ROBO1: variants seen among roughly 807,000 people sequenced by gnomAD.
ROBO1 encodes the protein roundabout homolog 1.
ROBO1 carries 149 observed loss-of-function variants against 195.9 expected under a neutral mutation model. That is an observed-to-expected ratio of 0.76 (90% confidence interval 0.67 to 0.87). ROBO1 has a LOEUF of 0.87. Ranked by LOEUF, ROBO1 falls within the 40% of genes least tolerant of loss-of-function variation. The pLI, the probability that ROBO1 is intolerant of heterozygous loss-of-function variation, is 0.00. For synonymous variants in ROBO1, 816 were observed against 733.2 expected (o/e 1.11, Z -1.82); for missense variants, 1,933 against 2,068.3 (o/e 0.93, Z 1.27).
At position 79,445,730 on chromosome 3, in the gene ROBO1, C is replaced by G. The variant is rs2039228649; in HGVS notation, c.88+144094G>C. 2.0e-5 allele frequency among the ~76,000 whole-genome samples: 3 copies of G among 148,988 alleles called. No individual in the cohort carries two copies. The South Asian group carries it at 6.4e-4, about 32-fold the overall frequency. On this transcript the variant is annotated intron_variant, in intron 2 of 30. Transcript: ENST00000464233. ...AGGCTGGAGTGCAGTGGCGCGATATCGGCTCACTGCAAGCTCCGCCTCCCG... is the reference window on the plus strand; with the variant it reads ...AGGCTGGAGTGCAGTGGCGCGATATGGGCTCACTGCAAGCTCCGCCTCCCG...
chr3:78,647,681 C>T (rs1482223327), intron 19 of ROBO1, 26 bp from the exon 20 acceptor site: 1 of 1,597,946 alleles, frequency 6.3e-7, no homozygotes, highest in African/African-American at 1.3e-5. Context: ...AAAATATAAA[C>T]CAGTTATTAA....
chr3:79,621,864 A>G (rs1421944588), intron 1 of ROBO1, among the ~76,000 whole-genome samples: 1 of 152,236 alleles, frequency 6.6e-6, no homozygotes, highest in Non-Finnish European at 1.5e-5. Flanking sequence ...TGAGACTACA[A>G]GGCAACTACG....
At chr3:79,182,542 GGTGTGT>G (rs71127377) in intron 2 of ROBO1, among the ~76,000 whole-genome samples, 120 of 148,546 alleles carry the variant, frequency 8.1e-4, no homozygotes, top group African/African-American at 5.2e-4. Flanking sequence ...CTGGGGCACA[GGTGTGT>G]GTGTGTGTGT....
intron 2 of ROBO1, among the ~76,000 whole-genome samples, chr3:79,444,786 A>C (rs560989514): frequency 4.6e-5 from 7 of 152,180 alleles, no homozygotes; most frequent in Non-Finnish European, 8.8e-5. Context: ...CAAAATTTAA[A>C]TAATGCTATA....
At chr3:79,083,039 A>C (rs756959574) in intron 3 of ROBO1, among the ~76,000 whole-genome samples, 1 of 152,096 alleles carries the variant, frequency 6.6e-6, no homozygotes, top group Non-Finnish European at 1.5e-5. Context: ...AGAAATATTT[A>C]TTTGTAAATT....
chr3:79,572,371 T>G, intron 2 of ROBO1, among the ~76,000 whole-genome samples: 1 of 152,072 alleles, frequency 6.6e-6, no homozygotes, highest in East Asian at 1.9e-4. Context: ...TTATAAATAA[T>G]AAACTGAATA....
At chr3:78,990,252 A>C (rs2077205751) in intron 3 of ROBO1, among the ~76,000 whole-genome samples, 1 of 152,312 alleles carries the variant, frequency 6.6e-6, no homozygotes. Context: ...TGAATGTGTA[A>C]GAATAAATGA....
chr3:78,901,453 T>C (rs1454687708), intron 4 of ROBO1, among the ~76,000 whole-genome samples: 3 of 152,302 alleles, frequency 2.0e-5, no homozygotes, highest in South Asian at 4.1e-4. Flanking sequence ...CTTTAAAATA[T>C]AGTAAATATA....
chr3:79,703,957 A>G (rs1176412003), intron 1 of ROBO1, among the ~76,000 whole-genome samples: 1 of 151,966 alleles, frequency 6.6e-6, no homozygotes, highest in Non-Finnish European at 1.5e-5. Flanking sequence ...TGTTGGACAG[A>G]TTTATTGTTT....
intron 3 of ROBO1, among the ~76,000 whole-genome samples, chr3:79,054,125 T>C (rs570670181): frequency 1.3e-5 from 2 of 152,080 alleles, no homozygotes; most frequent in African/African-American, 4.8e-5. Flanking sequence ...CTCAGCTAAA[T>C]CGGACTAATG....
intron 10 of ROBO1, among the ~76,000 whole-genome samples, chr3:78,680,896 C>A (rs909190195): frequency 2.0e-5 from 3 of 149,708 alleles, no homozygotes; most frequent in African/African-American, 7.4e-5. Flanking sequence ...GTGTTTATTG[C>A]AGCACTATTC....
rs149942551 is a variant in ROBO1 at position 78,828,034 on chromosome 3, A to G, written c.500-81134T>C. ...AGAAAAAATAAAAACAGATACTATT[A>G]ACATTTTAATGTATACCACCCAAAT... On this transcript the variant is annotated intron_variant, in intron 4 of 30. Transcript: ENST00000464233. Among the ~76,000 whole-genome samples, 39 of 152,354 alleles carry G rather than the reference A, an allele frequency of 2.6e-4. No homozygotes were observed. In the East Asian group the frequency reaches 5.6e-3, roughly 22 times the overall value.
At chr3:79,101,502 C>G (rs2079675526) in intron 3 of ROBO1, among the ~76,000 whole-genome samples, 1 of 151,818 alleles carries the variant, frequency 6.6e-6, no homozygotes, top group South Asian at 2.1e-4. Context: ...GCGGTTGCCT[C>G]TCCGCCCAGA....
intron 3 of ROBO1, among the ~76,000 whole-genome samples, chr3:79,046,676 C>A (rs1038993867): frequency 2.6e-5 from 4 of 151,966 alleles, no homozygotes; most frequent in African/African-American, 7.3e-5. Flanking sequence ...AGGTCTGTCT[C>A]TCCTTTTCAC....
At chr3:78,946,187 C>G (rs2040432386) in intron 3 of ROBO1, among the ~76,000 whole-genome samples, 1 of 152,096 alleles carries the variant, frequency 6.6e-6, no homozygotes, top group South Asian at 2.1e-4. Flanking sequence ...CAAAGATACT[C>G]CTCGAGAAGG....
chr3:79,171,413 CAAA>C (rs34894151), intron 2 of ROBO1, among the ~76,000 whole-genome samples: 4 of 65,844 alleles, frequency 6.1e-5, no homozygotes, highest in Non-Finnish European at 1.0e-4. Flanking sequence ...ATGAAAATTG[CAAA>C]AAAAAAAAAA....
intron 2 of ROBO1, among the ~76,000 whole-genome samples, chr3:79,329,534 T>G (rs1488611455): frequency 6.6e-6 from 1 of 152,220 alleles, no homozygotes; most frequent in Non-Finnish European, 1.5e-5. Context: ...TTTCAAAATA[T>G]GTCAGCTCTG....
chr3:79,729,595 C>A (rs149800184), intron 1 of ROBO1, among the ~76,000 whole-genome samples: 3 of 152,004 alleles, frequency 2.0e-5, no homozygotes, highest in African/African-American at 2.4e-5. Context: ...TATATCCATC[C>A]AATTGCTGTA....
At chr3:79,292,884 G>T (rs1257412964) in intron 2 of ROBO1, among the ~76,000 whole-genome samples, 2 of 152,154 alleles carry the variant, frequency 1.3e-5, no homozygotes, top group African/African-American at 4.8e-5. Context: ...GATGATGCTG[G>T]CCTCATAAAA....
Sources: allele counts gnomAD v4.1 joint callset (sites outside exome capture counted in the v4.1 genomes callset), GRCh38; gene constraint gnomAD v4.1.1; transcripts MANE v1.5; gene names NCBI Gene and HGNC (gene_info 2026-07-23, HGNC 2026-07-21).